LRP2: variants seen among roughly 807,000 people sequenced by gnomAD.
LRP2 encodes low-density lipoprotein receptor-related protein 2.
LRP2 carries 172 observed loss-of-function variants against 531.0 expected under a neutral mutation model. The ratio of observed to expected loss-of-function variants is 0.32; its 90% CI spans 0.29 to 0.37. The LOEUF is 0.37. LRP2 is among the 10% of genes least tolerant of loss of function. The probability of loss-of-function intolerance (pLI) is 1.00; values close to 1 mark genes in which losing one functional copy is unlikely to be tolerated. For missense variants in LRP2, 5,167 were observed against 5,868.3 expected (o/e 0.88, Z 3.90); for synonymous variants, 1,992 against 2,027.6 (o/e 0.98, Z 0.47).
At chr2:169,153,248 T>C (rs777753019) in intron 66 of LRP2, among the ~76,000 whole-genome samples, 4 of 152,220 alleles carry the variant, frequency 2.6e-5, no homozygotes, top group Non-Finnish European at 5.9e-5. Flanking sequence ...GCTTATTTAC[T>C]CTTATTAGGA....
chr2:169,303,851 C>A (rs853988), intron 4 of LRP2, among the ~76,000 whole-genome samples: 86,554 of 151,894 alleles, frequency 0.57, 26,093 homozygotes, highest in African/African-American at 0.77. Context: ...AAACAGTAAG[C>A]CAAATTTGGT....
At chr2:169,152,501 A>G (rs181248953) in intron 67 of LRP2, among the ~76,000 whole-genome samples, 75 of 152,340 alleles carry the variant, frequency 4.9e-4, no homozygotes, top group African/African-American at 1.6e-3. Flanking sequence ...CTTATAGTAA[A>G]TATAATATTC....
At chr2:169,135,069 C>T (rs1465219047) in intron 76 of LRP2, among the ~76,000 whole-genome samples, 1 of 152,198 alleles carries the variant, frequency 6.6e-6, no homozygotes, top group African/African-American at 2.4e-5. Context: ...GAAAATATCT[C>T]CTTCCAGCCT....
In LRP2 at chr2:169,157,505, G is replaced by A; in HGVS notation, c.11888-3C>T. 1 of 1,612,254 alleles carries A rather than the reference G, an allele frequency of 6.2e-7. No individual in the cohort carries two copies. Among genetic ancestry groups the A allele is most frequent in the African/African-American group, 1.3e-5 (1 of 74,896 alleles). ...ACATGTTCTTTCTTTTCCTTTATCT[G>A]AAAAACAAAATCCCAGCATTACAAA... On this transcript the variant is annotated splice_region_variant and splice_polypyrimidine_tract_variant and intron_variant, in intron 63 of 78. Transcript: ENST00000649046.
intron 67 of LRP2, among the ~76,000 whole-genome samples, 167 bp downstream of exon 67, chr2:169,152,632 G>A (rs1343817689): frequency 6.6e-6 from 1 of 152,122 alleles, no homozygotes; most frequent in African/African-American, 2.4e-5. Context: ...GCTGGGGTAA[G>A]TGGAGGTAGT....
intron 3 of LRP2, among the ~76,000 whole-genome samples, chr2:169,314,076 C>T (rs1441464311): frequency 6.6e-6 from 1 of 151,866 alleles, no homozygotes; most frequent in Non-Finnish European, 1.5e-5. Context: ...AGGAATGTAC[C>T]CCCAAAACTT....
chr2:169,158,686 A>G (rs1044831223), intron 63 of LRP2, among the ~76,000 whole-genome samples: 1 of 152,020 alleles, frequency 6.6e-6, no homozygotes, highest in Non-Finnish European at 1.5e-5. Flanking sequence ...TCCATTTAGT[A>G]TAGAATATTT....
intron 3 of LRP2, among the ~76,000 whole-genome samples, chr2:169,312,431 G>A (rs2105502560): frequency 6.6e-6 from 1 of 152,258 alleles, no homozygotes; most frequent in South Asian, 2.1e-4. Flanking sequence ...TTGCTTGTCT[G>A]TAAAGGATTT....
intron 16 of LRP2, among the ~76,000 whole-genome samples, chr2:169,265,890 T>C (rs1187861750): frequency 1.3e-5 from 2 of 151,788 alleles, no homozygotes; most frequent in Non-Finnish European, 2.9e-5. Flanking sequence ...AAGTCCCAAT[T>C]GGAACACAGG....
intron 60 of LRP2, among the ~76,000 whole-genome samples, chr2:169,169,096 A>T (rs991649502): frequency 6.6e-6 from 1 of 152,218 alleles, no homozygotes; most frequent in Admixed American, 6.5e-5. Context: ...TAAAGACTCA[A>T]ATCTGAGTAA....
intron 61 of LRP2, among the ~76,000 whole-genome samples, chr2:169,167,986 T>TGAATTGA (rs1686844220): frequency 8.2e-6 from 1 of 121,408 alleles, no homozygotes; most frequent in Non-Finnish European, 1.7e-5. Context: ...GACATGTACC[T>TGAATTGA]GAATTGAGAC....
rs764828522 is a variant in LRP2, at chr2:169,200,054, T to C, written c.8453-1143A>G. Among the ~76,000 whole-genome samples, 9 of 152,132 alleles carry C rather than the reference T, an allele frequency of 5.9e-5. 1 individual carries two copies. In the East Asian group the frequency reaches 1.7e-3, roughly 29 times the overall value. On this transcript the variant is annotated intron_variant, in intron 44 of 78. Transcript: ENST00000649046. ...TCATGAGGTCAGGAGATCGAGACCA[T>C]CCTGGCTAACATGGTGAAACCTCGT...
In LRP2 at chr2:169,279,523, G is replaced by A. The variant is rs968969535; in HGVS notation, c.1414C>T (p.Leu472=). Residue 472 remains leucine (L), a synonymous_variant, in exon 12 of 79, where the codon CTG becomes TTG. Transcript: ENST00000649046. ...TTATTATTAACCCAGTCCACAGCCA[G>A]GTTCTCTGGGGTTTCAACAGAAACA... The part of the protein sequence containing the change: ...LNVSVETPEN[L]AVDWVNNKIY... 3 of 1,613,610 alleles carry A rather than the reference G, an allele frequency of 1.9e-6. No homozygotes were observed. In the Admixed American group the frequency reaches 5.0e-5, roughly 27 times the overall value.
At chr2:169,208,363 G>C (rs1434575481) in intron 38 of LRP2, among the ~76,000 whole-genome samples, 10 of 152,128 alleles carry the variant, frequency 6.6e-5, no homozygotes, top group Non-Finnish European at 1.0e-4. Context: ...CCCAATTAAA[G>C]CTTTATTTAA....
chr2:169,144,357 G>T (rs1685829444), intron 70 of LRP2, among the ~76,000 whole-genome samples: 1 of 152,076 alleles, frequency 6.6e-6, no homozygotes, highest in Admixed American at 6.5e-5. Context: ...AGGCTGGGCT[G>T]GGGCTGTACT....
At chr2:169,309,655 C>T (rs1430583649) in intron 3 of LRP2, among the ~76,000 whole-genome samples, 14 of 152,046 alleles carry the variant, frequency 9.2e-5, no homozygotes, top group African/African-American at 2.2e-4. Context: ...AGTCAGGTAG[C>T]ATGATGCCTC....
chr2:169,300,794 A>G (rs2105482071), intron 4 of LRP2, among the ~76,000 whole-genome samples: 1 of 152,184 alleles, frequency 6.6e-6, no homozygotes, highest in African/African-American at 2.4e-5. Flanking sequence ...TTCTGGCTTC[A>G]GGGAGAGAGA....
chr2:169,222,138 A>T (rs1454586035), intron 33 of LRP2, among the ~76,000 whole-genome samples: 1 of 152,222 alleles, frequency 6.6e-6, no homozygotes, highest in Non-Finnish European at 1.5e-5. Context: ...CACCTGGAAG[A>T]CTTACTTACA....
At position 169,270,902 on chromosome 2, in the gene LRP2, A is replaced by C. The variant is rs1259769608; in HGVS notation, c.2320+2T>G. ...ACACACACACACACAAACCTTTCTC[A>C]CCTGTGCCATCAATCTTTTGCTTAA... On this transcript the variant is annotated splice_donor_variant, in intron 16 of 78. Coordinates refer to ENST00000649046, the MANE Select transcript of LRP2 (RefSeq NM_004525.3). LOFTEE classifies it high-confidence loss of function. The C allele has an allele frequency of 4.3e-6, 7 of 1,611,734 alleles. No homozygotes were observed. The highest frequency in any genetic ancestry group is 5.9e-6 in the Non-Finnish European group (7 of 1,178,826).
Sources: gnomAD v4.1 joint callset for allele counts (sites outside exome capture counted in the v4.1 genomes callset) on GRCh38, gnomAD v4.1.1 for gene constraint, MANE v1.5 for transcripts, NCBI Gene and HGNC (gene_info 2026-07-23, HGNC 2026-07-21) for gene names.